DIP2A: variants seen among roughly 807,000 people sequenced by gnomAD.
DIP2A encodes the protein DIP2 acetate--CoA ligase A, also known as disco-interacting protein 2 homolog A.
A neutral mutation model predicts 177.4 loss-of-function variants in DIP2A; 85 were observed. The observed-to-expected ratio is 0.48, with a 90% CI of 0.40 to 0.57. The LOEUF (loss-of-function observed/expected upper bound fraction) is 0.57, where lower values mean the gene tolerates loss of function less well. Among genes scored for constraint, DIP2A ranks in the 20% least tolerant of loss-of-function variants. The probability of loss-of-function intolerance (pLI) is 0.00; values close to 1 mark genes in which losing one functional copy is unlikely to be tolerated. For missense variants in DIP2A, 1,791 were observed against 2,100.2 expected, an observed-to-expected ratio of 0.85 and a Z score of 2.88; for synonymous variants, 886 against 881.8, an observed-to-expected ratio of 1.00 and a Z score of -0.08.
At chr21:46,488,785 T>C (rs2056835740) in intron 2 of DIP2A, among the ~76,000 whole-genome samples, 1 of 152,212 alleles carries the variant, frequency 6.6e-6, no homozygotes, top group African/African-American at 2.4e-5. Context: ...TCATATCTGT[T>C]AAGTTAAAAA....
chr21:46,477,543 T>G (rs868450135), intron 1 of DIP2A, among the ~76,000 whole-genome samples: 34 of 87,126 alleles, frequency 3.9e-4, no homozygotes, highest in African/African-American at 7.3e-4. Context: ...AAAAAAAGAT[T>G]TGTGTGTGTG....
At chr21:46,486,088 A>C in intron 2 of DIP2A, among the ~76,000 whole-genome samples, 1 of 113,852 alleles carries the variant, frequency 8.8e-6, no homozygotes, top group Non-Finnish European at 1.6e-5. Flanking sequence ...AAAAAAAAAA[A>C]AAAGAACTAA....
chr21:46,546,984 G>T lies in DIP2A; in HGVS notation c.2464G>T (p.Asp822Tyr). Residue 822 changes from aspartate to tyrosine, a missense_variant, in exon 21 of 38, where the codon GAT becomes TAT. Transcript: ENST00000417564. ...MVTGVRRHNADDVVATALAVE... is the reference protein window; with the variant it reads ...MVTGVRRHNAYDVVATALAVE... Reference sequence around the variant, plus strand: ...CACTGGAGTTCGCAGACACAATGCAGATGACGTTGTGGCCACCGCACTGGC... The same window carrying T: ...CACTGGAGTTCGCAGACACAATGCATATGACGTTGTGGCCACCGCACTGGC... The T allele has an allele frequency of 1.9e-6, 3 of 1,613,980 alleles. No individual in the cohort carries two copies. Among genetic ancestry groups the T allele is most frequent in the Non-Finnish European group, 2.5e-6 (3 of 1,179,880 alleles).
At chr21:46,547,979 C>G (rs562170649) in intron 21 of DIP2A, among the ~76,000 whole-genome samples, 2 of 152,202 alleles carry the variant, frequency 1.3e-5, no homozygotes, top group Admixed American at 1.3e-4. Flanking sequence ...CAAGGATGTG[C>G]CTTTTGTTAC....
intron 6 of DIP2A, among the ~76,000 whole-genome samples, chr21:46,506,445 G>A (rs1156982040): frequency 6.6e-6 from 1 of 152,120 alleles, no homozygotes; most frequent in South Asian, 2.1e-4. Context: ...AAACTGCCAC[G>A]CTGTTTTCCA....
intron 23 of DIP2A, 60 bp from the exon 24 acceptor site, chr21:46,551,574 C>G (rs578245137): frequency 2.5e-5 from 34 of 1,384,806 alleles, no homozygotes; most frequent in Non-Finnish European, 3.2e-5. Flanking sequence ...TAAATAAAAT[C>G]ACGTGATGTT....
intron 22 of DIP2A, 114 bp downstream of exon 22, chr21:46,549,999 T>G: frequency 6.5e-7 from 1 of 1,540,408 alleles, no homozygotes; most frequent in South Asian, 1.2e-5. Flanking sequence ...GGCTCCAGCT[T>G]TGTTTATCTG....
intron 1 of DIP2A, among the ~76,000 whole-genome samples, chr21:46,476,879 A>G (rs1344273772): frequency 6.6e-6 from 1 of 151,980 alleles, no homozygotes; most frequent in African/African-American, 2.4e-5. Flanking sequence ...ATGGTCTCAA[A>G]CTCCTGACCT....
At position 46,554,894 on chromosome 21, in the gene DIP2A, G is replaced by A; in HGVS notation, c.3349G>A (p.Ala1117Thr). The A allele has an allele frequency of 6.4e-7, 1 of 1,552,466 alleles. No individual in the cohort carries two copies. Residue 1117 changes from alanine to threonine, a missense_variant, in exon 28 of 38, where the codon GCC becomes ACC. Coordinates refer to ENST00000417564, the MANE Select transcript of DIP2A (RefSeq NM_015151.4). ...GCTCAGGTCCAAGGAGGCTGCTGCT[G>A]CCGTGGACATCAGGACCTGGCCCAC... Reference protein sequence around the residue: ...RLLRSKEAAAAVDIRTWPTIL... With the variant: ...RLLRSKEAAATVDIRTWPTIL...
intron 3 of DIP2A, among the ~76,000 whole-genome samples, chr21:46,495,815 T>C (rs1326712545): frequency 6.6e-6 from 1 of 151,954 alleles, no homozygotes; most frequent in African/African-American, 2.4e-5. Flanking sequence ...GGCTTACACC[T>C]ATAATCCCAG....
At chr21:46,488,592 T>C (rs891607904) in intron 2 of DIP2A, among the ~76,000 whole-genome samples, 1 of 152,210 alleles carries the variant, frequency 6.6e-6, no homozygotes, top group Non-Finnish European at 1.5e-5. Flanking sequence ...TATTAAATTA[T>C]GTTCAACCTC....
At chr21:46,543,700 A>G (rs1226428938) in intron 18 of DIP2A, among the ~76,000 whole-genome samples, 1 of 152,092 alleles carries the variant, frequency 6.6e-6, no homozygotes, top group Non-Finnish European at 1.5e-5. Flanking sequence ...TGTGTTCACT[A>G]CTGTATCAAG....
rs1052535124 is a variant in DIP2A, at chr21:46,557,338, T to C, written c.3630-247T>C. 2.2e-5 allele frequency: 14 copies of C among 626,604 alleles called. No individual in the cohort carries two copies. Among genetic ancestry groups the C allele is most frequent in the Non-Finnish European group, 3.8e-5 (14 of 367,196 alleles). The allele number at this position is 626,604 out of a possible 1,614,324, so 38.8% of individuals were successfully genotyped here. On this transcript the variant is annotated intron_variant, in intron 30 of 37. Transcript: ENST00000417564. The surrounding 1 kb of genome is among the most constrained non-coding windows in gnomAD (Gnocchi z 6.0). ...GAAAGTGGCGATCCGTCTCTAGAAGTGAATGCCTCTGGAGTGGTGTCCCCG... is the reference window on the plus strand; with the variant it reads ...GAAAGTGGCGATCCGTCTCTAGAAGCGAATGCCTCTGGAGTGGTGTCCCCG...
chr21:46,533,356 A>G (rs772322317), intron 10 of DIP2A, among the ~76,000 whole-genome samples, 168 bp from the exon 11 acceptor site: 4 of 152,230 alleles, frequency 2.6e-5, no homozygotes, highest in African/African-American at 9.6e-5. Flanking sequence ...TTCATGAACT[A>G]TTTCCGTGAA....
rs928198002 is a variant in DIP2A at position 46,568,000 on chromosome 21, A to C, written c.*378A>C. 2 of 173,472 alleles carry C rather than the reference A, an allele frequency of 1.2e-5. No homozygotes were observed. Among genetic ancestry groups the C allele is most frequent in the African/African-American group, 4.7e-5 (2 of 42,320 alleles). The allele number at this position is 173,472 out of a possible 1,614,324, so 10.7% of individuals were successfully genotyped here. On this transcript the variant is annotated 3_prime_UTR_variant, in exon 38 of 38. Transcript: ENST00000417564. ...CCTGATTTTTAAAATTCAGTTATTT[A>C]TTCCCACTTCAAATGACAAGTTCAT...
intron 1 of DIP2A, among the ~76,000 whole-genome samples, chr21:46,470,603 TCTA>T (rs1239138602): frequency 6.6e-6 from 1 of 151,602 alleles, no homozygotes; most frequent in Non-Finnish European, 1.5e-5. Context: ...AAACCGTGTT[TCTA>T]CTAAAAACAA....
In DIP2A at chr21:46,532,189, C is replaced by T. The variant is rs2059382780; in HGVS notation, c.1257C>T (p.Leu419=). The change falls in exon 10 of 38, where the codon CTC becomes CTT. Residue 419 remains leucine, a synonymous_variant. Transcript: ENST00000417564. The part of the protein sequence containing the change: ...VMFMVAFYGC[L]LAELVPVPIE... ...TCATGGTTGCATTTTATGGGTGTCT[C>T]CTGGCAGAGCTGGTTCCTGTCCCCA... is the stretch of plus-strand genomic sequence containing the variant. 1.9e-6 allele frequency: 3 copies of T among 1,613,788 alleles called. No homozygotes were observed. Among genetic ancestry groups the T allele is most frequent in the Non-Finnish European group, 2.5e-6 (3 of 1,179,880 alleles).
intron 1 of DIP2A, among the ~76,000 whole-genome samples, chr21:46,471,993 TTTAAA>T (rs2148331235): frequency 6.6e-6 from 1 of 152,374 alleles, no homozygotes; most frequent in East Asian, 1.9e-4. Flanking sequence ...GTAAAGAACC[TTTAAA>T]TTAAGTCTCT....
In DIP2A at chr21:46,567,679, G is replaced by A. The variant is rs922096824; in HGVS notation, c.*57G>A. The A allele has an allele frequency of 7.0e-5, 108 of 1,533,698 alleles. No homozygotes were observed. Among genetic ancestry groups the A allele is most frequent in the Non-Finnish European group, 9.1e-5 (104 of 1,139,942 alleles). ...AATGAGCCCCAGCAGTCCAAGGTGT[G>A]ATGTGGGAAGACACCGCAGAGCTCA... On this transcript the variant is annotated 3_prime_UTR_variant, in exon 38 of 38. Coordinates refer to ENST00000417564, the MANE Select transcript of DIP2A (RefSeq NM_015151.4).
Sources: gnomAD v4.1 joint callset for allele counts (sites outside exome capture counted in the v4.1 genomes callset) on GRCh38, gnomAD v4.1.1 for gene constraint, Gnocchi (gnomAD v3.1) non-coding constraint, MANE v1.5 for transcripts, NCBI Gene and HGNC (gene_info 2026-07-23, HGNC 2026-07-21) for gene names.